GRM1: variants seen among roughly 807,000 people sequenced by gnomAD.
The protein encoded by GRM1 is metabotropic glutamate receptor 1.
Under a neutral mutation model 90.9 loss-of-function variants are expected in GRM1, and 33 were observed. The observed-to-expected ratio is 0.36, with a 90% CI of 0.28 to 0.49. The LOEUF (loss-of-function observed/expected upper bound fraction) is 0.49, where lower values mean the gene tolerates loss of function less well. Ranked by LOEUF, GRM1 falls within the 20% of genes least tolerant of loss-of-function variation. The pLI is 0.99. For missense variants in GRM1, 1,190 were observed against 1,534.3 expected, an observed-to-expected ratio of 0.78 and a Z score of 3.75; for synonymous variants, 700 against 613.2, an observed-to-expected ratio of 1.14 and a Z score of -2.09.
intron 7 of GRM1, among the ~76,000 whole-genome samples, chr6:146,414,906 A>G (rs527263323): frequency 1.3e-5 from 2 of 152,338 alleles, no homozygotes; most frequent in South Asian, 4.1e-4. Context: ...GCCTATTCCC[A>G]GATCATAGAG....
chr6:146,300,764 G>C (rs763866462), intron 2 of GRM1, among the ~76,000 whole-genome samples: 1 of 152,156 alleles, frequency 6.6e-6, no homozygotes, highest in Non-Finnish European at 1.5e-5. Context: ...GACACTTGGC[G>C]AGTGACCAGG....
chr6:146,383,223 C>T (rs1340389271), intron 5 of GRM1, among the ~76,000 whole-genome samples: 1 of 152,174 alleles, frequency 6.6e-6, no homozygotes, highest in African/African-American at 2.4e-5. Context: ...TTAATGTATT[C>T]AGTCATTCAA....
At chr6:146,045,770 A>AG (rs1464706533) in intron 1 of GRM1, among the ~76,000 whole-genome samples, 3 of 147,500 alleles carry the variant, frequency 2.0e-5, no homozygotes, top group African/African-American at 5.3e-5. Flanking sequence ...AAAAAAAAAA[A>AG]AAAAAAATCA....
chr6:146,211,184 C>G (rs1460360065), intron 2 of GRM1, among the ~76,000 whole-genome samples: 1 of 151,244 alleles, frequency 6.6e-6, no homozygotes, highest in Non-Finnish European at 1.5e-5. Context: ...TCAAGCATCC[C>G]TAGAGTTCTT....
chr6:146,147,826 T>C (rs1777168493), intron 1 of GRM1, among the ~76,000 whole-genome samples: 1 of 152,070 alleles, frequency 6.6e-6, no homozygotes, highest in Non-Finnish European at 1.5e-5. Flanking sequence ...CAGAGGCTCA[T>C]AGATCAATAA....
In GRM1 at chr6:146,194,454, TC is replaced by T. The variant is rs1779048873; in HGVS notation, c.950+34858del. On this transcript the variant is annotated intron_variant, in intron 2 of 7. Transcript: ENST00000282753. ...AACTTTCTCGACTTCATTGGCCAAGTCTCTAAATGAGCCAACATCAGGGGCA... is the reference window on the plus strand; with the variant it reads ...AACTTTCTCGACTTCATTGGCCAAGTTCTAAATGAGCCAACATCAGGGGCA... Among the ~76,000 whole-genome samples, 4 of 152,324 alleles carry T rather than the reference TC, an allele frequency of 2.6e-5. No individual in the cohort carries two copies. In the South Asian group the frequency reaches 8.3e-4, roughly 32 times the overall value.
In GRM1 at chr6:146,174,845, T is replaced by G. The variant is rs189138973; in HGVS notation, c.950+15248T>G. Among the ~76,000 whole-genome samples, 19 of 152,314 alleles carry G rather than the reference T, an allele frequency of 1.2e-4. No individual in the cohort carries two copies. The East Asian group carries it at 3.5e-3, about 28-fold the overall frequency. On this transcript the variant is annotated intron_variant, in intron 2 of 7. Coordinates refer to ENST00000282753, the MANE Select transcript of GRM1 (RefSeq NM_001278064.2). ...TCTCAAGGCTCAATTTGGGAAAAACTTGCTTCCAAACTCATTCACTTTGCC... is the reference window on the plus strand; with the variant it reads ...TCTCAAGGCTCAATTTGGGAAAAACGTGCTTCCAAACTCATTCACTTTGCC...
At chr6:146,091,516 CA>C (rs1776715510) in intron 1 of GRM1, among the ~76,000 whole-genome samples, 1 of 151,930 alleles carries the variant, frequency 6.6e-6, no homozygotes, top group African/African-American at 2.4e-5. Context: ...GCATTTTAGA[CA>C]GAAGAACAAC....
chr6:146,258,288 T>C (rs1204447978), intron 2 of GRM1, among the ~76,000 whole-genome samples: 7 of 152,174 alleles, frequency 4.6e-5, no homozygotes, highest in Non-Finnish European at 1.5e-5. Context: ...CTATAAAATA[T>C]GTATCATGTG....
At chr6:146,296,611 T>G (rs1783186750) in intron 2 of GRM1, among the ~76,000 whole-genome samples, 1 of 152,212 alleles carries the variant, frequency 6.6e-6, no homozygotes, top group Admixed American at 6.5e-5. Context: ...AGAATTCCAT[T>G]GATTTTAAAA....
At chr6:146,106,114 G>A (rs1331640) in intron 1 of GRM1, among the ~76,000 whole-genome samples, 56,477 of 152,002 alleles carry the variant, frequency 0.37, 11,186 homozygotes, top group Middle Eastern at 0.52. Context: ...GGTTTAATGC[G>A]TCATTAAGCA....
chr6:146,059,749 G>A (rs915639692), intron 1 of GRM1, among the ~76,000 whole-genome samples: 4 of 152,236 alleles, frequency 2.6e-5, no homozygotes, highest in Middle Eastern at 3.4e-3. Context: ...TTGTACATCA[G>A]CACTTGCTTC....
intron 3 of GRM1, among the ~76,000 whole-genome samples, chr6:146,336,379 C>T (rs1176997026): frequency 6.6e-6 from 1 of 152,128 alleles, no homozygotes; most frequent in African/African-American, 2.4e-5. Context: ...AGAGAAGCTG[C>T]AATCTGATTC....
chr6:146,121,186 A>G (rs1316926293), intron 1 of GRM1, among the ~76,000 whole-genome samples: 1 of 152,134 alleles, frequency 6.6e-6, no homozygotes, highest in African/African-American at 2.4e-5. Context: ...GTGTCCAGGA[A>G]TTTATCAGTT....
At chr6:146,118,386 G>T (rs552780140) in intron 1 of GRM1, among the ~76,000 whole-genome samples, 1 of 151,968 alleles carries the variant, frequency 6.6e-6, no homozygotes, top group Non-Finnish European at 1.5e-5. Context: ...TGATCCACCC[G>T]CCTCGGCCTC....
rs1429740911 is a variant in GRM1, at chr6:146,078,216, C to T, written c.700+47999C>T. ...TGTAACATCACATTGACAGCATCTT[C>T]ATTATTATTCAGGCTGAGATCTGCC... On this transcript the variant is annotated intron_variant, in intron 1 of 7. Transcript: ENST00000282753. Among the ~76,000 whole-genome samples the T allele has an allele frequency of 2.8e-4, 42 of 152,160 alleles. 1 individual carries two copies. Among genetic ancestry groups the T allele is most frequent in the Admixed American group, 2.8e-3 (42 of 15,268 alleles).
At chr6:146,257,134 T>C (rs1781507578) in intron 2 of GRM1, among the ~76,000 whole-genome samples, 1 of 152,202 alleles carries the variant, frequency 6.6e-6, no homozygotes, top group Non-Finnish European at 1.5e-5. Flanking sequence ...ATCCCCATTC[T>C]GATATAATTA....
intron 2 of GRM1, among the ~76,000 whole-genome samples, chr6:146,283,574 T>A (rs1424913330): frequency 6.6e-6 from 1 of 152,218 alleles, no homozygotes; most frequent in Non-Finnish European, 1.5e-5. Flanking sequence ...TTATCTCCTG[T>A]GTTAACTCAT....
intron 1 of GRM1, among the ~76,000 whole-genome samples, chr6:146,072,866 T>C (rs1199078763): frequency 6.6e-6 from 1 of 152,164 alleles, no homozygotes; most frequent in Non-Finnish European, 1.5e-5. Flanking sequence ...TGCGCTGTGC[T>C]ATATGCTAGG....
Sources: gnomAD v4.1 joint callset for allele counts (sites outside exome capture counted in the v4.1 genomes callset) on GRCh38, gnomAD v4.1.1 for gene constraint, MANE v1.5 for transcripts, NCBI Gene and HGNC (gene_info 2026-07-23, HGNC 2026-07-21) for gene names.